Variants in SLC39A8 observed in about 807,000 individuals in gnomAD.
SLC39A8 encodes solute carrier family 39 member 8.
In SLC39A8, 15 loss-of-function variants were observed where a neutral mutation model predicts 40.4. That is an observed-to-expected ratio of 0.37 (90% CI 0.25 to 0.57). The LOEUF (loss-of-function observed/expected upper bound fraction) is 0.57. SLC39A8 is among the 20% of genes least tolerant of loss of function. The pLI, the probability that SLC39A8 is intolerant of heterozygous loss-of-function variation, is 0.75. For missense variants in SLC39A8, 472 were observed against 558.8 expected, an observed-to-expected ratio of 0.84 and a Z score of 1.57; for synonymous variants, 223 against 221.6, an observed-to-expected ratio of 1.01 and a Z score of -0.06.
chr4:102,322,594 T>C (rs1032042730), intron 2 of SLC39A8, among the ~76,000 whole-genome samples: 1 of 152,132 alleles, frequency 6.6e-6, no homozygotes. Flanking sequence ...GTGGCACCCA[T>C]TAAATAATAC....
intron 3 of SLC39A8, among the ~76,000 whole-genome samples, chr4:102,313,201 G>T (rs1445154793): frequency 2.0e-5 from 3 of 152,088 alleles, no homozygotes; most frequent in African/African-American, 7.2e-5. Flanking sequence ...GACAACCTGG[G>T]CTGAATCTGG....
At chr4:102,263,807 A>ACC (rs1352927796) in intron 8 of SLC39A8, among the ~76,000 whole-genome samples, 3 of 152,196 alleles carry the variant, frequency 2.0e-5, no homozygotes, top group Admixed American at 1.3e-4. Flanking sequence ...AGCAATGTTC[A>ACC]CCAGGAATAG....
At chr4:102,270,559 T>C (rs2149007012) in intron 6 of SLC39A8, among the ~76,000 whole-genome samples, 1 of 152,354 alleles carries the variant, frequency 6.6e-6, no homozygotes, top group East Asian at 1.9e-4. Context: ...ATTGTTATTG[T>C]TGTTCACTTG....
Position 102,305,014 on chromosome 4 carries a change from T to G in SLC39A8, c.650A>C (p.Lys217Thr), listed in dbSNP as rs184913742. 1.9e-6 allele frequency: 3 copies of G among 1,606,756 alleles called. No individual in the cohort carries two copies. Among genetic ancestry groups the G allele is most frequent in the Non-Finnish European group, 8.5e-7 (1 of 1,174,592 alleles). The change falls in exon 5 of 9, where the codon AAG (lysine) becomes ACG (threonine). Residue 217 changes from lysine to threonine, a missense_variant. Lys to Thr is a moderately conservative substitution (Grantham distance 78). This residue lies in a region of SLC39A8 where 239 missense variants were observed against 317.9 expected (regional missense o/e 0.75). Transcript: ENST00000356736. ...CTGACCATATGTCTTTAATAACATCTTTAGCATTCTTTCAAAAAAGAAAAG... is the reference window on the plus strand; with the variant it reads ...CTGACCATATGTCTTTAATAACATCGTTAGCATTCTTTCAAAAAAGAAAAG... Reference protein sequence around the residue: ...YLLFFFERMLKMLLKTYGQNG... With the variant: ...YLLFFFERMLTMLLKTYGQNG...
chr4:102,267,749 A>G (rs921443895), intron 7 of SLC39A8, 75 bp from the exon 8 acceptor site: 1 of 1,532,596 alleles, frequency 6.5e-7, no homozygotes, highest in Non-Finnish European at 8.8e-7. Context: ...ATAATCATCA[A>G]TGTCCAACAA....
chr4:102,296,691 A>G (rs929321373), intron 6 of SLC39A8, among the ~76,000 whole-genome samples: 1 of 152,106 alleles, frequency 6.6e-6, no homozygotes, highest in African/African-American at 2.4e-5. Context: ...TCCAAAGCCT[A>G]TGCTTCTCTT....
chr4:102,328,422 T>C lies in SLC39A8; in HGVS notation c.220-12592A>G, dbSNP rs192029776. ...AATTAAATTAAATGATGCATCTAGG[T>C]TGATGTCTAGATCATCTGCTTAAAC... On this transcript the variant is annotated intron_variant, in intron 2 of 8. Transcript: ENST00000356736. Among the ~76,000 whole-genome samples the C allele has an allele frequency of 3.9e-5, 6 of 152,248 alleles. No individual in the cohort carries two copies. In the East Asian group the frequency reaches 1.2e-3, roughly 29 times the overall value.
chr4:102,266,747 A>C (rs1732117033), intron 8 of SLC39A8, among the ~76,000 whole-genome samples: 1 of 152,086 alleles, frequency 6.6e-6, no homozygotes, highest in South Asian at 2.1e-4. Context: ...AGCTGGGATT[A>C]CAGGCGCCCG....
exon 12 of SLC39A8, chr4:102,253,317 T>A (rs1420030766): frequency 3.3e-6 from 2 of 613,738 alleles, no homozygotes; most frequent in Non-Finnish European, 6.0e-6. Flanking sequence ...CAGCATCACG[T>A]CTCAATGGTC....
At chr4:102,337,683 TAAGGGAAG>T (rs1735735191) in intron 2 of SLC39A8, among the ~76,000 whole-genome samples, 1 of 152,196 alleles carries the variant, frequency 6.6e-6, no homozygotes, top group Non-Finnish European at 1.5e-5. Context: ...AGAGGCATCA[TAAGGGAAG>T]ATTTCCATTC....
At position 102,333,158 on chromosome 4, in the gene SLC39A8, G is replaced by T. The variant is rs138236600; in HGVS notation, c.219+11286C>A. ...CTGCACATGTATCCCAGAACTTGAA[G>T]TCTAATAAAATAATAAAATGTGTAT... On this transcript the variant is annotated intron_variant, in intron 2 of 8. Coordinates refer to ENST00000356736, the MANE Select transcript of SLC39A8 (RefSeq NM_001135146.2). 6.3e-3 allele frequency among the ~76,000 whole-genome samples: 953 copies of T among 152,180 alleles called. 10 individuals are homozygous for T. Among genetic ancestry groups the T allele is most frequent in the African/African-American group, 0.022 (901 of 41,490 alleles).
intron 2 of SLC39A8, among the ~76,000 whole-genome samples, chr4:102,334,981 A>G (rs1004397064): frequency 6.6e-6 from 1 of 152,200 alleles, no homozygotes; most frequent in Non-Finnish European, 1.5e-5. Context: ...GTTAGTAAAT[A>G]TTCTTACTAG....
At chr4:102,259,220 A>T (rs1244726083), downstream of SLC39A8, among the ~76,000 whole-genome samples, 1 of 152,154 alleles carries the variant, frequency 6.6e-6, no homozygotes, top group Non-Finnish European at 1.5e-5. Flanking sequence ...TTCCCCCTGT[A>T]CTCATAACTT....
intron 6 of SLC39A8, among the ~76,000 whole-genome samples, chr4:102,277,612 T>C (rs913115115): frequency 3.9e-5 from 6 of 152,182 alleles, no homozygotes; most frequent in African/African-American, 1.4e-4. Flanking sequence ...ATTGACTTTC[T>C]TCAAAGAATT....
At chr4:102,291,258 A>G (rs1349590970) in intron 6 of SLC39A8, among the ~76,000 whole-genome samples, 10 of 152,004 alleles carry the variant, frequency 6.6e-5, no homozygotes, top group Non-Finnish European at 8.8e-5. Context: ...ATGTAACTTT[A>G]GAAGCATTGA....
chr4:102,273,864 T>A (rs1476124750), intron 6 of SLC39A8, among the ~76,000 whole-genome samples: 1 of 151,994 alleles, frequency 6.6e-6, no homozygotes, highest in Non-Finnish European at 1.5e-5. Context: ...GGTCTGACTG[T>A]TAGAAGGAAA....
At chr4:102,271,288 A>G (rs1732354093) in intron 6 of SLC39A8, among the ~76,000 whole-genome samples, 1 of 152,206 alleles carries the variant, frequency 6.6e-6, no homozygotes, top group Admixed American at 6.5e-5. Flanking sequence ...TCTTTTAATA[A>G]GTACAGAATG....
At chr4:102,260,389 G>T (rs1032620690), downstream of SLC39A8, among the ~76,000 whole-genome samples, 9 of 152,194 alleles carry the variant, frequency 5.9e-5, no homozygotes, top group Admixed American at 5.9e-4. Flanking sequence ...TCTGGTCATT[G>T]AATACAAGTG....
intron 6 of SLC39A8, among the ~76,000 whole-genome samples, chr4:102,284,166 G>A (rs1315758220): frequency 2.6e-5 from 4 of 152,192 alleles, no homozygotes; most frequent in South Asian, 4.1e-4. Flanking sequence ...TATAGATTGA[G>A]TAGTGGTGAT....
Sources: gnomAD v4.1 joint callset for allele counts (sites outside exome capture counted in the v4.1 genomes callset) on GRCh38, gnomAD v4.1.1 for gene constraint, gnomAD v4.1.1 regional missense constraint, MANE v1.5 for transcripts, NCBI Gene and HGNC (gene_info 2026-07-23, HGNC 2026-07-21) for gene names.